Variants in FARS2 observed in about 807,000 individuals in gnomAD.
FARS2 encodes phenylalanine--tRNA ligase, mitochondrial.
Under a neutral mutation model 46.4 loss-of-function variants are expected in FARS2, and 40 were observed. That is an observed-to-expected ratio of 0.86 (90% CI 0.67 to 1.12). The LOEUF is 1.12. FARS2 is among the 50% of genes most tolerant of loss of function. The probability of loss-of-function intolerance (pLI) is 0.00; values close to 1 mark genes in which losing one functional copy is unlikely to be tolerated. For missense variants in FARS2, 513 were observed against 567.9 expected, an observed-to-expected ratio of 0.90 and a Z score of 0.98; for synonymous variants, 234 against 214.9, an observed-to-expected ratio of 1.09 and a Z score of -0.78.
intron 3 of FARS2, among the ~76,000 whole-genome samples, chr6:5,429,231 C>T (rs1400282840): frequency 2.0e-5 from 3 of 152,102 alleles, no homozygotes; most frequent in Admixed American, 2.0e-4. Context: ...CACTTTATAT[C>T]TGTGCACTTT....
At chr6:5,481,997 G>A (rs1048379819) in intron 4 of FARS2, among the ~76,000 whole-genome samples, 3 of 152,264 alleles carry the variant, frequency 2.0e-5, no homozygotes, top group South Asian at 4.2e-4. Context: ...AAGGAAGGTC[G>A]TACCAGAGTG....
At chr6:5,753,684 T>C (rs1762065559) in intron 6 of FARS2, among the ~76,000 whole-genome samples, 1 of 152,230 alleles carries the variant, frequency 6.6e-6, no homozygotes, top group African/African-American at 2.4e-5. Context: ...ATTTTTCCTA[T>C]GACCAGAGGT....
At chr6:5,291,965 G>T (rs1319231456) in intron 1 of FARS2, among the ~76,000 whole-genome samples, 1 of 152,068 alleles carries the variant, frequency 6.6e-6, no homozygotes, top group East Asian at 1.9e-4. Context: ...TGATAATATG[G>T]GTGATCATTG....
chr6:5,744,652 C>T (rs1225631043), intron 6 of FARS2, among the ~76,000 whole-genome samples: 1 of 152,092 alleles, frequency 6.6e-6, no homozygotes, highest in African/African-American at 2.4e-5. Flanking sequence ...CAGGAGGAAA[C>T]CCACTCTGGC....
At chr6:5,570,553 AC>A (rs1388392841) in intron 5 of FARS2, among the ~76,000 whole-genome samples, 1 of 152,128 alleles carries the variant, frequency 6.6e-6, no homozygotes, top group Non-Finnish European at 1.5e-5. Flanking sequence ...TATTATTCTC[AC>A]CCAGTTTCCC....
chr6:5,541,574 A>G (rs1015344948), intron 4 of FARS2, among the ~76,000 whole-genome samples: 2 of 152,214 alleles, frequency 1.3e-5, no homozygotes, highest in African/African-American at 4.8e-5. Context: ...TTTGTTAAAC[A>G]TAATTCTTTT....
At chr6:5,254,968 G>A in the FARS2 span, among the ~76,000 whole-genome samples, 1 of 152,188 alleles carries the variant, frequency 6.6e-6, no homozygotes, top group Admixed American at 6.5e-5. Flanking sequence ...CACAATCTGG[G>A]TTCTGCCATA....
At chr6:5,757,363 G>T (rs1376783776) in intron 6 of FARS2, among the ~76,000 whole-genome samples, 1 of 151,954 alleles carries the variant, frequency 6.6e-6, no homozygotes, top group Non-Finnish European at 1.5e-5. Context: ...CTAACTGAGG[G>T]AGTAGTTAGG....
intron 6 of FARS2, among the ~76,000 whole-genome samples, chr6:5,675,048 T>C (rs1195666472): frequency 6.6e-6 from 1 of 152,228 alleles, no homozygotes; most frequent in Non-Finnish European, 1.5e-5. Flanking sequence ...TAATAAAAAA[T>C]GTTTTTTAAT....
At position 5,630,688 on chromosome 6, in the gene FARS2, C is replaced by T. The variant is rs557165647; in HGVS notation, c.1217+17368C>T. On this transcript the variant is annotated intron_variant, in intron 6 of 6. Transcript: ENST00000274680. This position sits in a 1 kb window ranked among gnomAD's most constrained non-coding sequence, Gnocchi z 4.2. ...AAGGGTGGGATAAGATGGCTGAAAG[C>T]GCTCCTGTCAGCCCTCTCTGAGAAG... is the stretch of plus-strand genomic sequence containing the variant. Among the ~76,000 whole-genome samples, 4 of 152,296 alleles carry T rather than the reference C, an allele frequency of 2.6e-5. No homozygotes were observed. Among genetic ancestry groups the T allele is most frequent in the East Asian group, 1.9e-4 (1 of 5,186 alleles).
chr6:5,749,394 G>T (rs752402984), intron 6 of FARS2, among the ~76,000 whole-genome samples: 86 of 152,246 alleles, frequency 5.6e-4, no homozygotes, highest in Non-Finnish European at 6.3e-4. Context: ...GCTGCAGTCA[G>T]GGTGGGGAGG....
intron 6 of FARS2, among the ~76,000 whole-genome samples, chr6:5,730,157 T>C (rs1760527168): frequency 6.6e-6 from 1 of 152,250 alleles, no homozygotes; most frequent in Non-Finnish European, 1.5e-5. Flanking sequence ...CCTATCTGCT[T>C]ACCCATTGAT....
intron 4 of FARS2, among the ~76,000 whole-genome samples, chr6:5,478,473 C>G (rs1269086932): frequency 6.6e-6 from 1 of 152,146 alleles, no homozygotes; most frequent in East Asian, 1.9e-4. Context: ...GGTTAAGTGT[C>G]CTTAATAACT....
At chr6:5,419,620 G>T (rs1434756215) in intron 3 of FARS2, among the ~76,000 whole-genome samples, 1 of 152,140 alleles carries the variant, frequency 6.6e-6, no homozygotes, top group Non-Finnish European at 1.5e-5. Flanking sequence ...GGATCCATCA[G>T]ATGTCTAGCA....
At chr6:5,596,958 C>T (rs939209794) in intron 5 of FARS2, among the ~76,000 whole-genome samples, 3 of 152,204 alleles carry the variant, frequency 2.0e-5, no homozygotes, top group East Asian at 1.9e-4. Context: ...CAGTCCCCCT[C>T]GTGACACCCT....
chr6:5,537,494 T>C (rs894984523), intron 4 of FARS2, among the ~76,000 whole-genome samples: 3 of 149,746 alleles, frequency 2.0e-5, no homozygotes, highest in Admixed American at 6.6e-5. Flanking sequence ...TCCTCTCGAG[T>C]TGGAGATGTC....
chr6:5,664,381 G>A lies in FARS2; in HGVS notation c.1217+51061G>A, dbSNP rs147456040. On this transcript the variant is annotated intron_variant, in intron 6 of 6. Transcript: ENST00000274680. ...CCGAGGGTCCTGCCAGGGGAGCCGA[G>A]GCCTTTGCCTGTCACCCTGGGAGCT... is the stretch of plus-strand genomic sequence containing the variant. Among the ~76,000 whole-genome samples, 422 of 152,200 alleles carry A rather than the reference G, an allele frequency of 2.8e-3. 1 individual carries two copies. In the South Asian group the frequency reaches 0.033, roughly 12 times the overall value.
intron 3 of FARS2, among the ~76,000 whole-genome samples, chr6:5,428,084 C>T (rs1372315375): frequency 6.6e-6 from 1 of 152,140 alleles, no homozygotes; most frequent in Non-Finnish European, 1.5e-5. Flanking sequence ...TGCGGAGACG[C>T]GGCTTCCTAT....
intron 2 of FARS2, among the ~76,000 whole-genome samples, chr6:5,401,136 A>G (rs1285918678): frequency 6.6e-6 from 1 of 151,912 alleles, no homozygotes; most frequent in Non-Finnish European, 1.5e-5. Context: ...GTTCATATTT[A>G]TTGATATTAC....
Sources: gnomAD v4.1 joint callset for allele counts (sites outside exome capture counted in the v4.1 genomes callset) on GRCh38, gnomAD v4.1.1 for gene constraint, Gnocchi (gnomAD v3.1) non-coding constraint, MANE v1.5 for transcripts, NCBI Gene and HGNC (gene_info 2026-07-23, HGNC 2026-07-21) for gene names.